TEX36: variants seen among roughly 807,000 people sequenced by gnomAD.
The protein encoded by TEX36 is testis expressed 36.
TEX36 carries 12 observed loss-of-function variants against 13.6 expected under a neutral mutation model. The observed-to-expected ratio is 0.88, with a 90% confidence interval of 0.56 to 1.43. The LOEUF (loss-of-function observed/expected upper bound fraction) is 1.43. Ranked by LOEUF, TEX36 falls within the 40% of genes most tolerant of loss-of-function variation. The probability of loss-of-function intolerance (pLI) is 0.00; values close to 1 mark genes in which losing one functional copy is unlikely to be tolerated. For missense variants in TEX36, 224 were observed against 228.3 expected (o/e 0.98, Z 0.12); for synonymous variants, 93 against 83.0 (o/e 1.12, Z -0.65).
intron 3 of TEX36, among the ~76,000 whole-genome samples, chr10:125,627,341 TTAATCACCCTA>T (rs1846500989): frequency 6.6e-6 from 1 of 152,214 alleles, no homozygotes; most frequent in Admixed American, 6.5e-5. Flanking sequence ...ATTTATCAAA[TTAATCACCCTA>T]TAATCTAAAG....
At chr10:125,628,557 C>A (rs1846514795) in intron 3 of TEX36, among the ~76,000 whole-genome samples, 1 of 152,156 alleles carries the variant, frequency 6.6e-6, no homozygotes, top group African/African-American at 2.4e-5. Context: ...ATTTTTCTCT[C>A]CCGATGATGA....
intron 3 of TEX36, among the ~76,000 whole-genome samples, chr10:125,589,531 C>T (rs995733311): frequency 6.6e-6 from 1 of 152,122 alleles, no homozygotes; most frequent in African/African-American, 2.4e-5. Context: ...TTTCTATTCC[C>T]AGTTTACTGA....
intron 1 of TEX36, chr10:125,667,461 C>G (rs114554750): frequency 1.4e-6 from 1 of 710,482 alleles, no homozygotes; most frequent in African/African-American, 1.8e-5. Context: ...TTTTCCATGA[C>G]GGCAAGGGCT....
rs1324708107 is a variant in TEX36 at position 125,683,049 on chromosome 10, A to G, written c.-60T>C. The G allele has an allele frequency of 2.6e-6, 4 of 1,535,442 alleles. No individual in the cohort carries two copies. The highest frequency in any genetic ancestry group is 3.9e-5 in the Admixed American group (2 of 50,982). On this transcript the variant is annotated 5_prime_UTR_variant, in exon 1 of 4. It removes an upstream start codon present in the reference 5' UTR. Coordinates refer to ENST00000368821, the MANE Select transcript of TEX36 (RefSeq NM_001128202.3). ...TCCCTCACCTCTCCATAAGCTCTAC[A>G]TGTCTGGGAAGCTGCTTCCTAAACT...
At chr10:125,578,931 T>C (rs1047226255) in intron 3 of TEX36, among the ~76,000 whole-genome samples, 2 of 152,220 alleles carry the variant, frequency 1.3e-5, no homozygotes, top group Non-Finnish European at 2.9e-5. Context: ...TGCTGTGCCC[T>C]GGTCGCCCAT....
downstream of TEX36, chr10:125,655,643 A>AG (rs1198594205): frequency 8.6e-7 from 1 of 1,163,580 alleles, no homozygotes; most frequent in African/African-American, 1.6e-5. Context: ...AAATTTCAAA[A>AG]TGAAAATGTG....
chr10:125,658,657 A>C (rs1846984385), intron 3 of TEX36, among the ~76,000 whole-genome samples: 1 of 152,144 alleles, frequency 6.6e-6, no homozygotes, highest in South Asian at 2.1e-4. Flanking sequence ...AAAAGTGAGA[A>C]TCTTAGATTA....
intron 3 of TEX36, among the ~76,000 whole-genome samples, chr10:125,613,645 G>A (rs1846319853): frequency 6.6e-6 from 1 of 151,860 alleles, no homozygotes; most frequent in Non-Finnish European, 1.5e-5. Flanking sequence ...ATTCCATGGT[G>A]TATATGTGCC....
chr10:125,666,686 A>C (rs1847127335), intron 1 of TEX36, among the ~76,000 whole-genome samples: 1 of 152,068 alleles, frequency 6.6e-6, no homozygotes, highest in African/African-American at 2.4e-5. Context: ...CCAACCTTGA[A>C]TAGCTGTTTA....
Position 125,586,790 on chromosome 10 carries a change from A to T in TEX36, c.265-9916T>A, listed in dbSNP as rs559981741. Among the ~76,000 whole-genome samples, 4 of 150,452 alleles carry T rather than the reference A, an allele frequency of 2.7e-5. No homozygotes were observed. In the South Asian group the frequency reaches 6.3e-4, roughly 24 times the overall value. The stretch of plus-strand genomic sequence containing the variant: ...TGGGCTCCAAAATGAGACCCTGTCT[A>T]AAAAAAAAGAAGAAAAAAAAAAGAT... On this transcript the variant is annotated intron_variant, in intron 3 of 3. Transcript: ENST00000532135.
At chr10:125,624,633 C>T (rs1330165725) in intron 3 of TEX36, among the ~76,000 whole-genome samples, 5 of 151,478 alleles carry the variant, frequency 3.3e-5, no homozygotes, top group Non-Finnish European at 7.4e-5. Flanking sequence ...TGGGGAATGA[C>T]CCTTCCTCAA....
rs1441279870 is a variant in TEX36 at position 125,661,092 on chromosome 10, T to G, written c.193A>C (p.Asn65His). 1.3e-6 allele frequency: 2 copies of G among 1,551,852 alleles called. No homozygotes were observed. The highest frequency in any genetic ancestry group is 1.4e-5 in the African/African-American group (1 of 73,032). ...IYKVREKQAV[N>H]NQFPFSVHDN... Reference sequence around the variant, plus strand: ...TGCACGGAGAAGGGGAACTGGTTATTCACTGCTTGCTGGAAAAGTGGGATG... The same window carrying G: ...TGCACGGAGAAGGGGAACTGGTTATGCACTGCTTGCTGGAAAAGTGGGATG... Residue 65 changes from asparagine (N) to histidine (H), a missense_variant, in exon 3 of 4, where the codon AAT (asparagine) becomes CAT (histidine). Transcript: ENST00000368821.
exon 4 of TEX36, chr10:125,576,616 A>G: frequency 7.9e-7 from 1 of 1,257,956 alleles, no homozygotes; most frequent in Non-Finnish European, 1.1e-6. Flanking sequence ...TTATTTTTCC[A>G]AGAATGCTGA....
At chr10:125,594,204 A>G (rs187366919) in intron 3 of TEX36, among the ~76,000 whole-genome samples, 45 of 152,384 alleles carry the variant, frequency 3.0e-4, no homozygotes, top group African/African-American at 1.1e-3. Flanking sequence ...TCTACAGTAT[A>G]GTAGCCAACT....
chr10:125,586,240 G>A (rs1845945484), intron 3 of TEX36, among the ~76,000 whole-genome samples: 1 of 152,154 alleles, frequency 6.6e-6, no homozygotes, highest in African/African-American at 2.4e-5. Context: ...GGTTGGGATA[G>A]GCATTTTTAT....
At chr10:125,656,246 GTTC>G in intron 3 of TEX36, 50 bp from the exon 4 acceptor site, 55 of 432,738 alleles carry the variant, frequency 1.3e-4, no homozygotes, top group South Asian at 3.4e-4. Context: ...AGTTCACATA[GTTC>G]TTTTTTTTTT....
intron 1 of TEX36, among the ~76,000 whole-genome samples, chr10:125,677,966 G>A (rs1847336082): frequency 6.6e-6 from 1 of 152,228 alleles, no homozygotes; most frequent in Non-Finnish European, 1.5e-5. Context: ...ACAGGCATGA[G>A]CCACTGCACC....
intron 1 of TEX36, among the ~76,000 whole-genome samples, chr10:125,666,446 T>C (rs1173960811): frequency 2.0e-5 from 3 of 152,188 alleles, no homozygotes; most frequent in Admixed American, 1.3e-4. Flanking sequence ...TCTGTGCCTA[T>C]TGAGATAATC....
intron 3 of TEX36, among the ~76,000 whole-genome samples, chr10:125,581,887 C>A: frequency 6.6e-6 from 1 of 152,338 alleles, no homozygotes; most frequent in East Asian, 1.9e-4. Context: ...GGGTAAGTAA[C>A]TGTCTGTCCT....
Sources: allele counts gnomAD v4.1 joint callset (sites outside exome capture counted in the v4.1 genomes callset), GRCh38; gene constraint gnomAD v4.1.1; transcripts MANE v1.5; gene names NCBI Gene and HGNC (gene_info 2026-07-23, HGNC 2026-07-21).